Variants in RGL1 observed in about 807,000 individuals in gnomAD.
The protein encoded by RGL1 is ral guanine nucleotide dissociation stimulator-like 1.
Under a neutral mutation model 95.2 loss-of-function variants are expected in RGL1, and 24 were observed. The observed-to-expected ratio is 0.25, with a 90% CI of 0.18 to 0.35. RGL1 has a LOEUF of 0.35. Among genes scored for constraint, RGL1 ranks in the 10% least tolerant of loss-of-function variants. The pLI is 1.00. For missense variants in RGL1, 715 were observed against 936.3 expected (o/e 0.76, Z 3.08); for synonymous variants, 329 against 344.9 (o/e 0.95, Z 0.51).
At chr1:183,797,542 C>T (rs549489522) in intron 2 of RGL1, among the ~76,000 whole-genome samples, 47 of 152,196 alleles carry the variant, frequency 3.1e-4, no homozygotes, top group Non-Finnish European at 5.9e-4. Context: ...AATATAAAAA[C>T]GTAATAACAG....
intron 3 of RGL1, among the ~76,000 whole-genome samples, chr1:183,855,911 C>A (rs574174691): frequency 6.6e-6 from 1 of 152,278 alleles, no homozygotes; most frequent in East Asian, 1.9e-4. Flanking sequence ...CCATTCTCTT[C>A]ATTAATTTTA....
intron 15 of RGL1, among the ~76,000 whole-genome samples, 169 bp downstream of exon 15, chr1:183,912,437 G>C (rs1217495015): frequency 1.3e-5 from 2 of 152,204 alleles, no homozygotes; most frequent in South Asian, 4.1e-4. Context: ...ACTACTAATA[G>C]AAACAGGTGT....
Position 183,847,657 on chromosome 1 carries a change from T to C in RGL1, c.230T>C (p.Leu77Pro). Residue 77 changes from leucine (L) to proline (P), a missense_variant, in exon 3 of 18, where the codon CTT (leucine) becomes CCT (proline). Physicochemically the swap from Leu to Pro is moderately conservative, Grantham distance 98. Coordinates refer to ENST00000360851, the MANE Select transcript of RGL1 (RefSeq NM_001297671.3). Reference sequence around the variant, plus strand: ...ATAAAAGCTGGCACCTTGGAGAAGCTTGTGGAGAACCTGCTGACAGCTTTT... The same window carrying C: ...ATAAAAGCTGGCACCTTGGAGAAGCCTGTGGAGAACCTGCTGACAGCTTTT... ...RTIKAGTLEK[L>P]VENLLTAFGD... 1 of 1,614,112 alleles carries C rather than the reference T, an allele frequency of 6.2e-7. No homozygotes were observed. The highest frequency in any genetic ancestry group is 8.5e-7 in the Non-Finnish European group (1 of 1,179,954).
At chr1:183,826,033 C>CAATA (rs1662826933) in intron 2 of RGL1, among the ~76,000 whole-genome samples, 1 of 146,588 alleles carries the variant, frequency 6.8e-6, no homozygotes. Context: ...ATCAATCAAT[C>CAATA]GCAACTCTCC....
At chr1:183,638,386 A>G (rs768149752) in intron 1 of RGL1, among the ~76,000 whole-genome samples, 1 of 152,226 alleles carries the variant, frequency 6.6e-6, no homozygotes, top group African/African-American at 2.4e-5. Context: ...TGCCTAGTAC[A>G]TAATAGGTAC....
intron 15 of RGL1, 98 bp from the exon 16 acceptor site, chr1:183,916,349 A>T: frequency 7.2e-7 from 1 of 1,387,120 alleles, no homozygotes; most frequent in South Asian, 1.3e-5. Context: ...AAATAACTGC[A>T]GTCTATCAGT....
chr1:183,905,076 A>G, intron 13 of RGL1, 105 bp downstream of exon 13: 1 of 1,396,960 alleles, frequency 7.2e-7, no homozygotes, highest in Non-Finnish European at 9.6e-7. Context: ...TTTAGTGAGC[A>G]GCTGCTAGGT....
intron 9 of RGL1, among the ~76,000 whole-genome samples, chr1:183,894,275 G>C (rs1667571385): frequency 6.6e-6 from 1 of 152,204 alleles, no homozygotes. Flanking sequence ...GCAGCCTTCT[G>C]GCTGAAGGCT....
At chr1:183,670,450 G>T (rs1224990074) in intron 1 of RGL1, among the ~76,000 whole-genome samples, 1 of 152,192 alleles carries the variant, frequency 6.6e-6, no homozygotes, top group African/African-American at 2.4e-5. Flanking sequence ...AGAGCTCCTG[G>T]ATGTAAAACG....
intron 17 of RGL1, among the ~76,000 whole-genome samples, chr1:183,923,474 T>A (rs2102762994): frequency 6.6e-6 from 1 of 152,302 alleles, no homozygotes; most frequent in East Asian, 1.9e-4. Context: ...GCCTAAAAGA[T>A]GGTCTCAAGT....
chr1:183,907,238 C>A, intron 14 of RGL1, 137 bp downstream of exon 14: 1 of 628,250 alleles, frequency 1.6e-6, no homozygotes, highest in Non-Finnish European at 2.9e-6. Context: ...GTTTATCCTT[C>A]TGTCATGAAC....
intron 2 of RGL1, among the ~76,000 whole-genome samples, chr1:183,830,126 G>A (rs1311068951): frequency 6.6e-6 from 1 of 152,184 alleles, no homozygotes; most frequent in Non-Finnish European, 1.5e-5. Context: ...AAGAAGTGAT[G>A]CTCTAGTCCT....
rs11368833 is a variant in RGL1, at chr1:183,753,954, A to ATT, written c.132+11676_132+11677dup. On this transcript the variant is annotated intron_variant, in intron 2 of 18. Coordinates refer to the RGL1 transcript ENST00000304685. ...TTTTGTGATTTTTGACAGTGGGTTC[A>ATT]TTTTTTTTTTTTCTTGGAAAGAAGG... Among the ~76,000 whole-genome samples, 113 of 147,284 alleles carry ATT rather than the reference A, an allele frequency of 7.7e-4. 1 individual carries two copies. Among genetic ancestry groups the ATT allele is most frequent in the Middle Eastern group, 3.4e-3 (1 of 290 alleles).
In RGL1 at chr1:183,715,231, A is replaced by G. The variant is rs184160182; in HGVS notation, c.-32-26895A>G. ...TTGGATGATCTCTGACATTCCTTCC[A>G]GGTCACAAATTCTACATTTGATCTT... is the stretch of plus-strand genomic sequence containing the variant. On this transcript the variant is annotated intron_variant, in intron 1 of 18. Transcript: ENST00000304685. Among the ~76,000 whole-genome samples, 14 of 152,270 alleles carry G rather than the reference A, an allele frequency of 9.2e-5. No homozygotes were observed. The East Asian group carries it at 2.3e-3, about 25-fold the overall frequency.
At chr1:183,773,015 C>CAAAAAAAAAAAAAAA (rs60100787) in intron 2 of RGL1, among the ~76,000 whole-genome samples, 7 of 72,442 alleles carry the variant, frequency 9.7e-5, no homozygotes, top group African/African-American at 2.3e-4. Flanking sequence ...GACTCCGTCT[C>CAAAAAAAAAAAAAAA]AAAAAAAAAA....
chr1:183,688,086 A>T (rs932517996), intron 1 of RGL1, among the ~76,000 whole-genome samples: 1 of 152,198 alleles, frequency 6.6e-6, no homozygotes, highest in African/African-American at 2.4e-5. Context: ...GGATGATCAC[A>T]TGAGATGAAT....
chr1:183,826,005 AAATC>A (rs60184863), intron 2 of RGL1, among the ~76,000 whole-genome samples: 5,256 of 146,418 alleles, frequency 0.036, 312 homozygotes, highest in African/African-American at 0.12. Context: ...TCTATTTTTA[AAATC>A]AATCAATCAA....
At chr1:183,653,106 G>C (rs1650887392) in intron 1 of RGL1, 1 of 152,228 alleles carries the variant, frequency 6.6e-6, no homozygotes, top group African/African-American at 2.4e-5. Context: ...TCACATTCCA[G>C]GTGTTAGAAG....
upstream of RGL1, among the ~76,000 whole-genome samples, chr1:183,802,262 T>C (rs1661033505): frequency 6.6e-6 from 1 of 152,224 alleles, no homozygotes; most frequent in African/African-American, 2.4e-5. Flanking sequence ...CTTGGGTTTA[T>C]TTCTGGGCTT....
Sources: allele counts gnomAD v4.1 joint callset (sites outside exome capture counted in the v4.1 genomes callset), GRCh38; gene constraint gnomAD v4.1.1; transcripts MANE v1.5; gene names NCBI Gene and HGNC (gene_info 2026-07-23, HGNC 2026-07-21).